The following PSMF1 variants were observed in gnomAD, a reference collection of about 807,000 sequenced individuals.
PSMF1 encodes the protein proteasome inhibitor PI31 subunit.
A neutral mutation model predicts 29.3 loss-of-function variants in PSMF1; 30 were observed. The observed-to-expected ratio is 1.02, with a 90% CI of 0.77 to 1.39. PSMF1 has a LOEUF of 1.39. PSMF1 is among the 40% of genes most tolerant of loss of function. The probability of loss-of-function intolerance (pLI) is 0.00; values close to 1 mark genes in which losing one functional copy is unlikely to be tolerated. For missense variants in PSMF1, 344 were observed against 357.5 expected, an observed-to-expected ratio of 0.96 and a Z score of 0.31; for synonymous variants, 134 against 139.7, an observed-to-expected ratio of 0.96 and a Z score of 0.29.
At chr20:1,127,777 A>G (rs2086178242) in intron 3 of PSMF1, among the ~76,000 whole-genome samples, 1 of 152,204 alleles carries the variant, frequency 6.6e-6, no homozygotes, top group African/African-American at 2.4e-5. Flanking sequence ...CGGGCAACTC[A>G]TTCAGTCAGA....
At chr20:1,136,459 T>C (rs1423046292) in intron 4 of PSMF1, among the ~76,000 whole-genome samples, 3 of 152,228 alleles carry the variant, frequency 2.0e-5, no homozygotes, top group Non-Finnish European at 4.4e-5. Flanking sequence ...ATAGTAATTC[T>C]CAGCTTTATT....
Position 1,118,696 on chromosome 20 carries a change from C to G in PSMF1, c.-78C>G. On this transcript the variant is annotated 5_prime_UTR_variant, in exon 1 of 7. Coordinates refer to ENST00000335877, the MANE Select transcript of PSMF1 (RefSeq NM_006814.5). ...GCGCAAGAGGGAAGCAGAGTTATAG[C>G]TACCCCGGCCGCGGAGCCGGCTCAC... is the stretch of plus-strand genomic sequence containing the variant. The G allele has an allele frequency of 4.0e-6, 6 of 1,486,348 alleles. No homozygotes were observed. The highest frequency in any genetic ancestry group is 4.6e-6 in the Non-Finnish European group (5 of 1,095,374). 92.1% of individuals were successfully genotyped at this position (1,486,348 alleles called of 1,614,324 possible).
chr20:1,118,559 C>T, upstream of PSMF1: 1 of 501,876 alleles, frequency 2.0e-6, no homozygotes, highest in South Asian at 3.6e-5. Context: ...GTTGCCAACC[C>T]GGCGCGCCTC....
chr20:1,165,220 C>T lies in PSMF1; in HGVS notation c.*140C>T, dbSNP rs1454539325. ...TTTGCAGACCGGCTGGGATAGCCTC[C>T]CCACCCCTTATCAGAGCCAAGACAC... On this transcript the variant is annotated 3_prime_UTR_variant, in exon 7 of 7. Transcript: ENST00000335877. 16 of 1,489,468 alleles carry T rather than the reference C, an allele frequency of 1.1e-5. No individual in the cohort carries two copies. Among genetic ancestry groups the T allele is most frequent in the African/African-American group, 1.4e-5 (1 of 71,732 alleles). 92.3% of individuals were successfully genotyped at this position (1,489,468 alleles called of 1,614,324 possible). A position where few individuals can be genotyped will look rare whatever the true frequency, so the allele number is the denominator to read the frequency against.
rs1042596005 is a variant in PSMF1 at position 1,165,343 on chromosome 20, C to T, written c.*263C>T. ...CTCCCCTTTCACCACCAGCTCCTCT[C>T]CACTTCCCAAGGGAGACTCCGGCAA... On this transcript the variant is annotated 3_prime_UTR_variant, in exon 7 of 7. Coordinates refer to ENST00000335877, the MANE Select transcript of PSMF1 (RefSeq NM_006814.5). The T allele has an allele frequency of 4.3e-6, 6 of 1,379,790 alleles. No homozygotes were observed. In the African/African-American group the frequency reaches 8.7e-5, roughly 20 times the overall value. The allele number at this position is 1,379,790 out of a possible 1,614,324, so 85.5% of individuals were successfully genotyped here.
In PSMF1 at chr20:1,163,120, T is replaced by A; in HGVS notation, c.552-10T>A. The stretch of plus-strand genomic sequence containing the variant: ...TGGGACTTGCAGTAATTGTCTCTTG[T>A]TTGTTTCAGGTGTGATCCCCTGGGC... On this transcript the variant is annotated splice_polypyrimidine_tract_variant and intron_variant, in intron 4 of 6. Coordinates refer to ENST00000335877, the MANE Select transcript of PSMF1 (RefSeq NM_006814.5). The surrounding 1 kb of genome is among the most constrained non-coding windows in gnomAD (Gnocchi z 6.1). 6.2e-7 allele frequency: 1 copy of A among 1,614,092 alleles called. No homozygotes were observed. The highest frequency in any genetic ancestry group is 1.3e-5 in the African/African-American group (1 of 75,026).
chr20:1,132,709 A>G (rs1036613965), intron 3 of PSMF1, among the ~76,000 whole-genome samples: 6 of 152,150 alleles, frequency 3.9e-5, no homozygotes, highest in Admixed American at 2.6e-4. Flanking sequence ...TGAACATGAT[A>G]TATCTTATCT....
intron 4 of PSMF1, among the ~76,000 whole-genome samples, chr20:1,146,601 C>T (rs972111558): frequency 2.0e-5 from 3 of 152,128 alleles, no homozygotes; most frequent in East Asian, 1.9e-4. Context: ...TCCTCCATAT[C>T]GCTCTGAAGG....
intron 1 of PSMF1, among the ~76,000 whole-genome samples, chr20:1,123,959 A>G (rs2086122085): frequency 6.6e-6 from 1 of 152,240 alleles, no homozygotes; most frequent in South Asian, 2.1e-4. Flanking sequence ...CTCTTTAGAC[A>G]CTATTAGCCG....
At chr20:1,125,452 T>C in intron 1 of PSMF1, 46 bp from the exon 2 acceptor site, 1 of 1,548,280 alleles carries the variant, frequency 6.5e-7, no homozygotes, top group Non-Finnish European at 8.7e-7. Flanking sequence ...TATAGTTCTG[T>C]GTTTTGAGTT....
chr20:1,118,802 C>T lies in PSMF1; in HGVS notation c.29C>T (p.Ser10Leu). 1 of 1,613,022 alleles carries T rather than the reference C, an allele frequency of 6.2e-7. No individual in the cohort carries two copies. Among genetic ancestry groups the T allele is most frequent in the Non-Finnish European group, 8.5e-7 (1 of 1,179,526 alleles). MAGLEVLFA[S>L]AAPAITCRQD... ...GCGGGCCTGGAGGTACTGTTCGCAT[C>T]GGCAGCGCCGGCCATCACCTGCAGG... Residue 10 changes from serine (S) to leucine (L), a missense_variant, in exon 1 of 7, where the codon TCG becomes TTG. Physicochemically the swap from Ser to Leu is moderately radical, Grantham distance 145. Coordinates refer to ENST00000335877, the MANE Select transcript of PSMF1 (RefSeq NM_006814.5).
At chr20:1,142,269 CT>C (rs138834719) in intron 4 of PSMF1, among the ~76,000 whole-genome samples, 17,955 of 149,600 alleles carry the variant, frequency 0.12, 1,181 homozygotes, top group African/African-American at 0.17. Context: ...AGCTATAATT[CT>C]TTTTTTTTTA....
intron 3 of PSMF1, among the ~76,000 whole-genome samples, chr20:1,128,457 T>A (rs2086188572): frequency 6.6e-6 from 1 of 152,206 alleles, no homozygotes; most frequent in African/African-American, 2.4e-5. Context: ...ACACAAATAT[T>A]TTCTGAATTG....
chr20:1,114,277 C>G (rs539585873), upstream of PSMF1, among the ~76,000 whole-genome samples: 177 of 152,286 alleles, frequency 1.2e-3, no homozygotes, highest in Middle Eastern at 3.4e-3. Flanking sequence ...AGGTAACTGG[C>G]TTCATCACAC....
chr20:1,162,571 G>A (rs921103427), intron 4 of PSMF1, among the ~76,000 whole-genome samples: 5 of 152,148 alleles, frequency 3.3e-5, no homozygotes, highest in East Asian at 1.9e-4. Flanking sequence ...TATTAGGGTT[G>A]GGGGCAGTCC....
At chr20:1,121,501 C>T (rs2086087313) in intron 1 of PSMF1, among the ~76,000 whole-genome samples, 1 of 152,032 alleles carries the variant, frequency 6.6e-6, no homozygotes, top group Admixed American at 6.5e-5. Flanking sequence ...AGGCATCTTT[C>T]CTATTAGTTT....
At chr20:1,128,353 CTT>C (rs1165998669) in intron 3 of PSMF1, among the ~76,000 whole-genome samples, 1 of 152,196 alleles carries the variant, frequency 6.6e-6, no homozygotes, top group African/African-American at 2.4e-5. Context: ...TTCTTTTTCT[CTT>C]ATTCCATACT....
Position 1,165,091 on chromosome 20 carries a change from A to C in PSMF1, c.*11A>C. The C allele has an allele frequency of 6.2e-7, 1 of 1,614,136 alleles. No homozygotes were observed. Among genetic ancestry groups the C allele is most frequent in the East Asian group, 2.2e-5 (1 of 44,874 alleles). On this transcript the variant is annotated 3_prime_UTR_variant, in exon 7 of 7. Coordinates refer to ENST00000335877, the MANE Select transcript of PSMF1 (RefSeq NM_006814.5). ...GACATGTACCTGTGAAGGCCTCAAG[A>C]ATGTAACATCCCAGGCTTCCCTCCA...
At chr20:1,160,898 C>G in intron 4 of PSMF1, 1 of 448,312 alleles carries the variant, frequency 2.2e-6, no homozygotes, top group Non-Finnish European at 4.4e-6. Flanking sequence ...GTGCTGCTGA[C>G]TGAGGGCCCC....
Sources: gnomAD v4.1 joint callset for allele counts (sites outside exome capture counted in the v4.1 genomes callset) on GRCh38, gnomAD v4.1.1 for gene constraint, Gnocchi (gnomAD v3.1) non-coding constraint, MANE v1.5 for transcripts, NCBI Gene and HGNC (gene_info 2026-07-23, HGNC 2026-07-21) for gene names.